Variants in MOCS1 observed in about 807,000 individuals in gnomAD.
The protein encoded by MOCS1 is molybdenum cofactor biosynthesis protein 1.
MOCS1 carries 39 observed loss-of-function variants against 57.6 expected under a neutral mutation model. The ratio of observed to expected loss-of-function variants is 0.68; its 90% CI spans 0.52 to 0.88. MOCS1 has a LOEUF of 0.88. MOCS1 is among the 40% of genes least tolerant of loss of function. The pLI is 0.00. For synonymous variants in MOCS1, 334 were observed against 335.7 expected (o/e 1.00, Z 0.05); for missense variants, 795 against 831.1 (o/e 0.96, Z 0.53).
chr6:39,916,298 G>A, intron 3 of MOCS1, 66 bp from the exon 4 acceptor site: 1 of 1,595,470 alleles, frequency 6.3e-7, no homozygotes, highest in Non-Finnish European at 8.5e-7. Context: ...GAAAAGGGCT[G>A]GAAGGCAAAA....
chr6:39,925,790 C>T lies in MOCS1; in HGVS notation c.306G>A (p.Leu102=), dbSNP rs374895706. ...CGAGGGTCAGGATCTCCTCTGTGGTCAGCAGGTTGGCTTTGGGGGTCAGCG... is the reference window on the plus strand; with the variant it reads ...CGAGGGTCAGGATCTCCTCTGTGGTTAGCAGGTTGGCTTTGGGGGTCAGCG... The part of the protein sequence containing the change: ...GVPLTPKANL[L]TTEEILTLAR... The change falls in exon 3 of 11, where the codon CTG becomes CTA. Residue 102 remains leucine, a synonymous_variant. Transcript: ENST00000340692. The T allele has an allele frequency of 6.2e-7, 1 of 1,612,842 alleles. No individual in the cohort carries two copies. Among genetic ancestry groups the T allele is most frequent in the Admixed American group, 1.7e-5 (1 of 60,020 alleles).
chr6:39,913,358 A>C lies in MOCS1; in HGVS notation c.716T>G (p.Leu239Arg). 6.2e-7 allele frequency: 1 copy of C among 1,613,946 alleles called. No individual in the cohort carries two copies. Among genetic ancestry groups the C allele is most frequent in the Non-Finnish European group, 8.5e-7 (1 of 1,179,878 alleles). The change falls in exon 6 of 11, where the codon CTC becomes CGC. Residue 239 changes from leucine (L) to arginine (R), a missense_variant. Transcript: ENST00000340692. The part of the protein sequence containing the change: ...LLDFAALTEG[L>R]PLDVRFIEYM... ...CTCTATGAAGCGCACATCCAGGGGGAGGCCCTCAGTCAAGGCCGCAAAGTC... is the reference window on the plus strand; with the variant it reads ...CTCTATGAAGCGCACATCCAGGGGGCGGCCCTCAGTCAAGGCCGCAAAGTC...
intron 1 of MOCS1, among the ~76,000 whole-genome samples, chr6:39,930,638 G>A (rs879422025): frequency 9.9e-5 from 15 of 152,122 alleles, no homozygotes; most frequent in Non-Finnish European, 1.8e-4. Context: ...GCTTCAAGAA[G>A]GATTCTAGTT....
Position 39,934,178 on chromosome 6 carries a change from A to T in MOCS1, c.123+117T>A, listed in dbSNP as rs1768787716. 4 of 1,334,952 alleles carry T rather than the reference A, an allele frequency of 3.0e-6. No homozygotes were observed. In the South Asian group the frequency reaches 6.2e-5, roughly 21 times the overall value. 82.7% of individuals were successfully genotyped at this position (1,334,952 alleles called of 1,614,324 possible). A position where few individuals can be genotyped will look rare whatever the true frequency, so the allele number is the denominator to read the frequency against. ...AACATCGCTCCACTGAGGAGTGCCA[A>T]CGGGTCCCTCCCAGAAGCGGTCAAG... On this transcript the variant is annotated intron_variant, in intron 1 of 10. Coordinates refer to ENST00000340692, the MANE Select transcript of MOCS1 (RefSeq NM_001358530.2).
Position 39,925,985 on chromosome 6 carries a change from G to A in MOCS1, c.251-140C>T, listed in dbSNP as rs1768271904. 8 of 913,144 alleles carry A rather than the reference G, an allele frequency of 8.8e-6. 1 individual carries two copies. The South Asian group carries it at 1.0e-4, about 12-fold the overall frequency. The allele number at this position is 913,144 out of a possible 1,614,324, so 56.6% of individuals were successfully genotyped here. A position where few individuals can be genotyped will look rare whatever the true frequency, so the allele number is the denominator to read the frequency against. On this transcript the variant is annotated intron_variant, in intron 2 of 10. Transcript: ENST00000340692. ...TGTGAGCGGAGACCTCACTAAACCT[G>A]AGGTGGAAAAACCCCAGGCCAGCAT...
At position 39,931,521 on chromosome 6, in the gene MOCS1, C is replaced by T. The variant is rs188579623; in HGVS notation, c.123+2774G>A. ...GCTCGATTCTCCTTCCCCCTCCCCT[C>T]ATTCCCACCCTAAGTGTGAGGTCTT... On this transcript the variant is annotated intron_variant, in intron 1 of 10. Coordinates refer to ENST00000340692, the MANE Select transcript of MOCS1 (RefSeq NM_001358530.2). 4.1e-3 allele frequency among the ~76,000 whole-genome samples: 620 copies of T among 152,270 alleles called. 2 individuals carry two copies. The highest frequency in any genetic ancestry group is 0.014 in the African/African-American group (589 of 41,544).
chr6:39,934,454 G>A lies in MOCS1; in HGVS notation c.-37C>T, dbSNP rs1562108479. 1.3e-6 allele frequency: 2 copies of A among 1,555,152 alleles called. No individual in the cohort carries two copies. Among genetic ancestry groups the A allele is most frequent in the African/African-American group, 2.7e-5 (2 of 74,120 alleles). On this transcript the variant is annotated 5_prime_UTR_variant, in exon 1 of 11. Coordinates refer to ENST00000340692, the MANE Select transcript of MOCS1 (RefSeq NM_001358530.2). ...CGAGCGGAACCGCAGCCCGCTTCGG[G>A]AGCACACTGGCCGGGCACTCGCCCC...
chr6:39,929,231 G>A (rs901408462), intron 1 of MOCS1, among the ~76,000 whole-genome samples: 1 of 152,094 alleles, frequency 6.6e-6, no homozygotes, highest in African/African-American at 2.4e-5. Context: ...TCTAACTGCC[G>A]TCTGCTATAA....
Position 39,905,198 on chromosome 6 carries a change from G to A in MOCS1, c.*1159C>T, listed in dbSNP as rs775202719. ...CCAGAACTGTGTGTGTTTGGGATGT[G>A]AGAACCAGGAGCCTCTAATTAATTG... On this transcript the variant is annotated 3_prime_UTR_variant, in exon 11 of 11. Coordinates refer to ENST00000340692, the MANE Select transcript of MOCS1 (RefSeq NM_001358530.2). The A allele has an allele frequency of 2.1e-4, 97 of 454,098 alleles. No individual in the cohort carries two copies. The highest frequency in any genetic ancestry group is 4.2e-4 in the Non-Finnish European group (95 of 226,898). 28.1% of individuals were successfully genotyped at this position (454,098 alleles called of 1,614,324 possible). A position where few individuals can be genotyped will look rare whatever the true frequency, so the allele number is the denominator to read the frequency against.
At chr6:39,924,921 A>C (rs1272249151) in intron 3 of MOCS1, among the ~76,000 whole-genome samples, 2 of 152,118 alleles carry the variant, frequency 1.3e-5, no homozygotes, top group East Asian at 1.9e-4. Flanking sequence ...TCTGCTAAAA[A>C]CACAAAAAAT....
chr6:39,914,712 G>C (rs1767554295), intron 4 of MOCS1, among the ~76,000 whole-genome samples: 1 of 152,168 alleles, frequency 6.6e-6, no homozygotes, highest in Non-Finnish European at 1.5e-5. Context: ...AGAGGGTAAA[G>C]GGAAAAATGT....
rs140822588 is a variant in MOCS1, at chr6:39,921,501, G to C, written c.418+4177C>G. 2.2e-3 allele frequency among the ~76,000 whole-genome samples: 336 copies of C among 152,272 alleles called. 1 individual carries two copies. The highest frequency in any genetic ancestry group is 7.5e-3 in the African/African-American group (311 of 41,530). On this transcript the variant is annotated intron_variant, in intron 3 of 10. Transcript: ENST00000340692. ...AATAAAGTAAAGCAAGTCATACATG[G>C]ATCAATGATGAGAATATCTCATGAA...
intron 7 of MOCS1, 38 bp from the exon 8 acceptor site, chr6:39,912,412 GGGATGGGCTACTGAGCC>G (rs1299840564): frequency 6.9e-7 from 1 of 1,439,772 alleles, no homozygotes; most frequent in Non-Finnish European, 9.8e-7. Context: ...GGCAGTGGAG[GGGATGGGCTACTGAGCC>G]CAGTTTCTCA....
intron 3 of MOCS1, among the ~76,000 whole-genome samples, chr6:39,923,607 G>A (rs1768099569): frequency 6.6e-6 from 1 of 152,264 alleles, no homozygotes; most frequent in Non-Finnish European, 1.5e-5. Flanking sequence ...TGGTTCAGCA[G>A]GTTCAGCCCT....
intron 3 of MOCS1, among the ~76,000 whole-genome samples, chr6:39,921,273 C>T (rs1286319946): frequency 6.6e-6 from 1 of 151,930 alleles, no homozygotes; most frequent in Non-Finnish European, 1.5e-5. Context: ...GTGGCGGGTG[C>T]CTGTAGTCCC....
Position 39,927,410 on chromosome 6 carries a change from A to T in MOCS1, c.169T>A (p.Phe57Ile). ...RQFLREHAAP[F>I]SAFLTDSFGR... is the part of the protein sequence containing the mutation. Reference sequence around the variant, plus strand: ...AAGCTGTCTGTGAGGAAGGCGGAGAAGGGGGCCGCATGCTCCCGCAGGAAC... The same window carrying T: ...AAGCTGTCTGTGAGGAAGGCGGAGATGGGGGCCGCATGCTCCCGCAGGAAC... The change falls in exon 2 of 11, where the codon TTC (phenylalanine) becomes ATC (isoleucine). Residue 57 changes from phenylalanine to isoleucine, a missense_variant. Around this residue, in one of 3 missense-constraint regions of MOCS1, gnomAD observed 416 missense variants for 392.4 expected, o/e 1.06. Transcript: ENST00000340692. The T allele has an allele frequency of 6.2e-7, 1 of 1,612,796 alleles. No homozygotes were observed. Among genetic ancestry groups the T allele is most frequent in the South Asian group, 1.1e-5 (1 of 91,044 alleles).
At position 39,904,275 on chromosome 6, in the gene MOCS1, T is replaced by C. The variant is rs1263790441; in HGVS notation, c.*2082A>G. 1 of 456,762 alleles carries C rather than the reference T, an allele frequency of 2.2e-6. No homozygotes were observed. Among genetic ancestry groups the C allele is most frequent in the Non-Finnish European group, 4.4e-6 (1 of 226,982 alleles). 28.3% of individuals were successfully genotyped at this position (456,762 alleles called of 1,614,324 possible). On this transcript the variant is annotated 3_prime_UTR_variant, in exon 11 of 11. Coordinates refer to ENST00000340692, the MANE Select transcript of MOCS1 (RefSeq NM_001358530.2). Reference sequence around the variant, plus strand: ...CAGCCTTCTCACTCTAAAAGAAAGATATTTTTCTATTTATTTTCTACATCT... The same window carrying C: ...CAGCCTTCTCACTCTAAAAGAAAGACATTTTTCTATTTATTTTCTACATCT...
intron 1 of MOCS1, among the ~76,000 whole-genome samples, chr6:39,930,363 C>T (rs1293337332): frequency 6.6e-6 from 1 of 152,120 alleles, no homozygotes; most frequent in Non-Finnish European, 1.5e-5. Flanking sequence ...GATCATATTC[C>T]CAGGGTCCCA....
intron 3 of MOCS1, among the ~76,000 whole-genome samples, chr6:39,919,706 C>T (rs1036534717): frequency 2.0e-5 from 3 of 151,926 alleles, no homozygotes; most frequent in Non-Finnish European, 4.4e-5. Flanking sequence ...CAAAGTAGAA[C>T]TTGAAACAGA....
Sources: gnomAD v4.1 joint callset for allele counts (sites outside exome capture counted in the v4.1 genomes callset) on GRCh38, gnomAD v4.1.1 for gene constraint, gnomAD v4.1.1 regional missense constraint, MANE v1.5 for transcripts, NCBI Gene and HGNC (gene_info 2026-07-23, HGNC 2026-07-21) for gene names.